The following PGD variants were observed in gnomAD, a reference collection of about 807,000 sequenced individuals.
The protein encoded by PGD is phosphogluconate dehydrogenase.
A neutral mutation model predicts 60.4 loss-of-function variants in PGD; 21 were observed. That is an observed-to-expected ratio of 0.35 (90% CI 0.25 to 0.50). The LOEUF is 0.50. Ranked by LOEUF, PGD falls within the 20% of genes least tolerant of loss-of-function variation. PGD has a pLI of 0.98. For synonymous variants in PGD, 230 were observed against 235.9 expected (o/e 0.97, Z 0.23); for missense variants, 477 against 613.1 (o/e 0.78, Z 2.34).
chr1:10,411,072 T>A (rs772622923), intron 6 of PGD, among the ~76,000 whole-genome samples: 4 of 152,098 alleles, frequency 2.6e-5, no homozygotes, highest in Admixed American at 6.6e-5. Flanking sequence ...GAGGACTTTT[T>A]TTCTTGTGGG....
In PGD at chr1:10,417,288, C is replaced by A. The variant is rs1018967420; in HGVS notation, c.976-88C>A. On this transcript the variant is annotated intron_variant, in intron 9 of 12. Coordinates refer to ENST00000270776, the MANE Select transcript of PGD (RefSeq NM_002631.4). ...CCTAGAATATTGGCCCTTCTGGGAT[C>A]TCCACTGCTGATGAGAATAAGACTG... 2.7e-6 allele frequency: 4 copies of A among 1,465,244 alleles called. No homozygotes were observed. In the African/African-American group the frequency reaches 4.2e-5, roughly 15 times the overall value. 90.8% of individuals were successfully genotyped at this position (1,465,244 alleles called of 1,614,324 possible).
intron 5 of PGD, among the ~76,000 whole-genome samples, chr1:10,404,837 CT>C (rs1334285000): frequency 6.6e-6 from 1 of 152,154 alleles, no homozygotes; most frequent in Non-Finnish European, 1.5e-5. Flanking sequence ...AGGTAATGTT[CT>C]GTGCAATGTC....
intron 3 of PGD, 50 bp downstream of exon 3, chr1:10,400,622 G>A: frequency 6.9e-7 from 1 of 1,452,060 alleles, no homozygotes; most frequent in Admixed American, 2.2e-5. Flanking sequence ...GCTGTTTTTG[G>A]TTTCTTCCTT....
At chr1:10,405,298 A>G (rs1234137964) in intron 5 of PGD, among the ~76,000 whole-genome samples, 1 of 151,330 alleles carries the variant, frequency 6.6e-6, no homozygotes, top group Non-Finnish European at 1.5e-5. Flanking sequence ...GCTTGAACCT[A>G]GGAGGCAGAG....
At chr1:10,402,959 CAG>C (rs1639339855) in intron 3 of PGD, 110 bp from the exon 4 acceptor site, 1 of 779,352 alleles carries the variant, frequency 1.3e-6, no homozygotes, top group African/African-American at 1.7e-5. Flanking sequence ...AGCTGGGCAA[CAG>C]AACGAGACTC....
At chr1:10,412,980 G>A in intron 7 of PGD, 82 bp from the exon 8 acceptor site, 2 of 1,200,894 alleles carry the variant, frequency 1.7e-6, no homozygotes, top group Non-Finnish European at 2.4e-6. Flanking sequence ...GTGAGCATTG[G>A]TCAGCGTGGA....
Position 10,412,949 on chromosome 1 carries a change from G to T in PGD, c.655-113G>T, listed in dbSNP as rs183501713. On this transcript the variant is annotated intron_variant, in intron 7 of 12. Coordinates refer to ENST00000270776, the MANE Select transcript of PGD (RefSeq NM_002631.4). ...GGAGCAGAAGTCCCCAGGCAGACGC[G>T]AGCAGAGCCTGCTGGCAACCGTGAG... 9 of 846,738 alleles carry T rather than the reference G, an allele frequency of 1.1e-5. No homozygotes were observed. The Admixed American group carries it at 1.8e-4, about 17-fold the overall frequency. 52.5% of individuals were successfully genotyped at this position (846,738 alleles called of 1,614,324 possible).
intron 7 of PGD, 121 bp downstream of exon 7, chr1:10,411,673 C>T: frequency 9.1e-7 from 1 of 1,094,732 alleles, no homozygotes; most frequent in Admixed American, 2.1e-5. Flanking sequence ...TGGACTCAGC[C>T]TAATTTGAGG....
At chr1:10,410,563 G>T (rs1040054662) in intron 6 of PGD, among the ~76,000 whole-genome samples, 10 of 152,108 alleles carry the variant, frequency 6.6e-5, no homozygotes, top group African/African-American at 2.4e-4. Context: ...CTGGCCTCCT[G>T]GGCAGGTGTG....
chr1:10,420,075 A>T lies in PGD; in HGVS notation c.*326A>T, dbSNP rs1639667453. 1 of 295,806 alleles carries T rather than the reference A, an allele frequency of 3.4e-6. No individual in the cohort carries two copies. The highest frequency in any genetic ancestry group is 6.5e-6 in the Non-Finnish European group (1 of 154,122). 18.3% of individuals were successfully genotyped at this position (295,806 alleles called of 1,614,324 possible). On this transcript the variant is annotated 3_prime_UTR_variant, in exon 13 of 13. Coordinates refer to ENST00000270776, the MANE Select transcript of PGD (RefSeq NM_002631.4). ...GGAAGGGTGTTTGCGCACTCTGATCAACTGGAACCTCTGTATCATGCGGCT... is the reference window on the plus strand; with the variant it reads ...GGAAGGGTGTTTGCGCACTCTGATCTACTGGAACCTCTGTATCATGCGGCT...
intron 2 of PGD, chr1:10,400,113 C>T (rs1233042428): frequency 2.1e-6 from 1 of 469,276 alleles, no homozygotes; most frequent in Non-Finnish European, 3.8e-6. Flanking sequence ...CCTGTTGAAC[C>T]GGCCAGTTCC....
chr1:10,405,568 G>C (rs924950072), intron 5 of PGD, among the ~76,000 whole-genome samples: 2 of 151,054 alleles, frequency 1.3e-5, no homozygotes. Flanking sequence ...GGCTGGGCAT[G>C]GTGGCTCACG....
chr1:10,411,562 C>T lies in PGD; in HGVS notation c.654+10C>T, dbSNP rs775791474. On this transcript the variant is annotated intron_variant, in intron 7 of 12. Transcript: ENST00000270776. ...GGACGAGATGGCCCAGGTGAGGCCC[C>T]GGCACTGCCTCTGTGTCCGTTCTGC... 60 of 1,613,550 alleles carry T rather than the reference C, an allele frequency of 3.7e-5. No individual in the cohort carries two copies. The highest frequency in any genetic ancestry group is 1.2e-4 in the African/African-American group (9 of 74,862).
chr1:10,417,606 GGGCACTTAGCCCCATCACTGGACACT>G, intron 10 of PGD, 97 bp downstream of exon 10: 3 of 1,263,394 alleles, frequency 2.4e-6, no homozygotes. Flanking sequence ...TTCCAGGGAT[GGGCACTTAGCCCCATCACTGGACACT>G]GGCACAAGAT....
chr1:10,409,109 A>G (rs1041351334), intron 6 of PGD, among the ~76,000 whole-genome samples: 1 of 152,202 alleles, frequency 6.6e-6, no homozygotes, highest in East Asian at 1.9e-4. Context: ...CATGATCTCC[A>G]AGCTCTCTTC....
rs759755207 is a variant in PGD at position 10,417,483 on chromosome 1, G to A, written c.1083G>A (p.Met361Ile). 1.9e-5 allele frequency: 30 copies of A among 1,613,332 alleles called. No homozygotes were observed. The East Asian group carries it at 3.6e-4, about 19-fold the overall frequency. The change falls in exon 10 of 13, where the codon ATG (methionine) becomes ATA (isoleucine). Residue 361 changes from methionine (M) to isoleucine (I), a missense_variant. By Grantham distance (10) the Met-to-Ile change is conservative (BLOSUM62 1). This residue lies in a region of PGD where 431 missense variants were observed against 556.6 expected (regional missense o/e 0.77). Transcript: ENST00000270776. ...TCAATTATGGTGGCATCGCCCTGATGTGGAGAGGGGGCTGCATCATTAGAA... is the reference window on the plus strand; with the variant it reads ...TCAATTATGGTGGCATCGCCCTGATATGGAGAGGGGGCTGCATCATTAGAA... ...WTLNYGGIALMWRGGCIIRSV... is the reference protein window; with the variant it reads ...WTLNYGGIALIWRGGCIIRSV...
chr1:10,416,544 G>C (rs1216701091), intron 8 of PGD, among the ~76,000 whole-genome samples: 3 of 152,150 alleles, frequency 2.0e-5, no homozygotes, highest in African/African-American at 7.2e-5. Context: ...CGTGTGAAAA[G>C]ACCACCAAAC....
intron 2 of PGD, among the ~76,000 whole-genome samples, chr1:10,400,165 A>G (rs1001086397): frequency 6.6e-6 from 1 of 152,164 alleles, no homozygotes; most frequent in East Asian, 1.9e-4. Flanking sequence ...TGTGGATTCT[A>G]CCTGACACAC....
At chr1:10,416,869 C>T in intron 8 of PGD, 118 bp from the exon 9 acceptor site, 1 of 844,838 alleles carries the variant, frequency 1.2e-6, no homozygotes, top group Admixed American at 2.5e-5. Flanking sequence ...TTTTGTGATT[C>T]TTCACTTGCT....
Sources: allele counts gnomAD v4.1 joint callset (sites outside exome capture counted in the v4.1 genomes callset), GRCh38; gene constraint gnomAD v4.1.1; regional missense constraint gnomAD v4.1.1; transcripts MANE v1.5; gene names NCBI Gene and HGNC (gene_info 2026-07-23, HGNC 2026-07-21).